The following TCF15 variants were observed in gnomAD, a reference collection of about 807,000 sequenced individuals.
TCF15 encodes the protein TCF-15.
TCF15 carries 7 observed loss-of-function variants against 11.1 expected under a neutral mutation model. That is an observed-to-expected ratio of 0.63 (90% CI 0.36 to 1.19). TCF15 has a LOEUF of 1.19. Ranked by LOEUF, TCF15 falls within the 50% of genes most tolerant of loss-of-function variation. The pLI, the probability that TCF15 is intolerant of heterozygous loss-of-function variation, is 0.02. For synonymous variants in TCF15, 144 were observed against 138.9 expected (o/e 1.04, Z -0.26); for missense variants, 288 against 289.4 (o/e 1.00, Z 0.03).
At position 609,676 on chromosome 20, in the gene TCF15, G is replaced by T; in HGVS notation, c.525+37C>A. 1 of 1,332,934 alleles carries T rather than the reference G, an allele frequency of 7.5e-7. No individual in the cohort carries two copies. Among genetic ancestry groups the T allele is most frequent in the South Asian group, 2.0e-5 (1 of 49,298 alleles). 82.6% of individuals were successfully genotyped at this position (1,332,934 alleles called of 1,614,324 possible). A position where few individuals can be genotyped will look rare whatever the true frequency, so the allele number is the denominator to read the frequency against. On this transcript the variant is annotated intron_variant, in intron 1 of 1. Coordinates refer to ENST00000246080, the MANE Select transcript of TCF15 (RefSeq NM_004609.4). The surrounding 1 kb of genome is among the most constrained non-coding windows in gnomAD (Gnocchi z 4.7). ...AGAGGCGCTGCCCCCCGCCTACCCC[G>T]ACCTGGCGGCCGCAGCGAGGGACGC...
Position 604,533 on chromosome 20 carries a change from G to A in TCF15, c.*58C>T. The A allele has an allele frequency of 6.7e-7, 1 of 1,487,226 alleles. No individual in the cohort carries two copies. The highest frequency in any genetic ancestry group is 9.2e-7 in the Non-Finnish European group (1 of 1,089,284). 92.1% of individuals were successfully genotyped at this position (1,487,226 alleles called of 1,614,324 possible). The stretch of plus-strand genomic sequence containing the variant: ...AGAAGGGGTGGGCTTGGCTCCTGGG[G>A]TCTTCTTCCCTGTCCAGCCAGTGGC... On this transcript the variant is annotated 3_prime_UTR_variant, in exon 2 of 2. Coordinates refer to ENST00000246080, the MANE Select transcript of TCF15 (RefSeq NM_004609.4). This position sits in a 1 kb window ranked among gnomAD's most constrained non-coding sequence, Gnocchi z 4.2.
intron 1 of TCF15, among the ~76,000 whole-genome samples, chr20:606,134 G>C (rs2019972825): frequency 6.6e-6 from 1 of 152,104 alleles, no homozygotes; most frequent in African/African-American, 2.4e-5. Context: ...GCAGCCCAGG[G>C]ACAGCATGTT....
rs1470339902 is a variant in TCF15, at chr20:609,809, G to C, written c.429C>G (p.Ala143=). Reference sequence around the variant, plus strand: ...GGACGGCGCCCTTGGCACTGCCCGCGGCACGGAAGCACGGCTGCCCGTCGT... The same window carrying C: ...GGACGGCGCCCTTGGCACTGCCCGCCGCACGGAAGCACGGCTGCCCGTCGT... ...SADDGQPCFR[A]AGSAKGAVPA... is the part of the protein sequence containing the mutation. The change falls in exon 1 of 2, where the codon GCC becomes GCG. Residue 143 remains alanine, a synonymous_variant. Coordinates refer to ENST00000246080, the MANE Select transcript of TCF15 (RefSeq NM_004609.4). This position sits in a 1 kb window ranked among gnomAD's most constrained non-coding sequence, Gnocchi z 4.7. The C allele has an allele frequency of 1.3e-6, 2 of 1,499,850 alleles. No homozygotes were observed. The highest frequency in any genetic ancestry group is 1.8e-6 in the Non-Finnish European group (2 of 1,136,084). 92.9% of individuals were successfully genotyped at this position (1,499,850 alleles called of 1,614,324 possible).
Position 609,781 on chromosome 20 carries a change from C to A in TCF15, c.457G>T (p.Ala153Ser), listed in dbSNP as rs747130783. The change falls in exon 1 of 2, where the codon GCC becomes TCC. Residue 153 changes from alanine to serine, a missense_variant. Ala to Ser is a moderately conservative substitution (Grantham distance 99). Transcript: ENST00000246080. The surrounding 1 kb of genome is among the most constrained non-coding windows in gnomAD (Gnocchi z 4.7). ...AAGSAKGAVP[A>S]AADGGRQPRS... ...GGCTGGCGGCCGCCGTCGGCGGCGG[C>A]GGGGACGGCGCCCTTGGCACTGCCC... 2 of 1,416,370 alleles carry A rather than the reference C, an allele frequency of 1.4e-6. No homozygotes were observed. Among genetic ancestry groups the A allele is most frequent in the Non-Finnish European group, 1.8e-6 (2 of 1,098,304 alleles). 87.7% of individuals were successfully genotyped at this position (1,416,370 alleles called of 1,614,324 possible).
At position 604,273 on chromosome 20, in the gene TCF15, C is replaced by CT. The variant is rs1489481507; in HGVS notation, c.*317dup. The CT allele has an allele frequency of 5.0e-6, 2 of 400,046 alleles. No homozygotes were observed. Among genetic ancestry groups the CT allele is most frequent in the East Asian group, 1.1e-4 (2 of 17,780 alleles). The allele number at this position is 400,046 out of a possible 1,614,324, so 24.8% of individuals were successfully genotyped here. A position where few individuals can be genotyped will look rare whatever the true frequency, so the allele number is the denominator to read the frequency against. On this transcript the variant is annotated 3_prime_UTR_variant, in exon 2 of 2. Coordinates refer to ENST00000246080, the MANE Select transcript of TCF15 (RefSeq NM_004609.4). The surrounding 1 kb of genome is among the most constrained non-coding windows in gnomAD (Gnocchi z 4.2). ...AACGACGTCTTTTATTTAAAAATAG[C>CT]TTTTATTTTAAACTCACCAATTCTC...
chr20:606,949 T>C (rs985882103), intron 1 of TCF15, among the ~76,000 whole-genome samples: 1 of 152,106 alleles, frequency 6.6e-6, no homozygotes, highest in Non-Finnish European at 1.5e-5. Context: ...CTTCGATCCC[T>C]ACTTTGCCAA....
At position 604,436 on chromosome 20, in the gene TCF15, C is replaced by A. The variant is rs560155023; in HGVS notation, c.*155G>T. 1.4e-6 allele frequency: 1 copy of A among 693,712 alleles called. No individual in the cohort carries two copies. 43.0% of individuals were successfully genotyped at this position (693,712 alleles called of 1,614,324 possible). On this transcript the variant is annotated 3_prime_UTR_variant, in exon 2 of 2. Transcript: ENST00000246080. This position sits in a 1 kb window ranked among gnomAD's most constrained non-coding sequence, Gnocchi z 4.2. ...ATGGATCCTCACAGCTCTCCAGGATCGGGTGGAGATGTCCCGAGGGCCCTG... is the reference window on the plus strand; with the variant it reads ...ATGGATCCTCACAGCTCTCCAGGATAGGGTGGAGATGTCCCGAGGGCCCTG...
In TCF15 at chr20:609,924, T is replaced by A; in HGVS notation, c.314A>T (p.Asp105Val). 2 of 1,521,234 alleles carry A rather than the reference T, an allele frequency of 1.3e-6. No individual in the cohort carries two copies. Among genetic ancestry groups the A allele is most frequent in the South Asian group, 2.5e-5 (2 of 81,294 alleles). 94.2% of individuals were successfully genotyped at this position (1,521,234 alleles called of 1,614,324 possible). The change falls in exon 1 of 2, where the codon GAC (aspartate) becomes GTC (valine). Residue 105 changes from aspartate to valine, a missense_variant. By Grantham distance (152) the Asp-to-Val change is radical. Coordinates refer to ENST00000246080, the MANE Select transcript of TCF15 (RefSeq NM_004609.4). The surrounding 1 kb of genome is among the most constrained non-coding windows in gnomAD (Gnocchi z 4.7). Reference protein sequence around the residue: ...LRTLIPTEPVDRKLSKIETVR... With the variant: ...LRTLIPTEPVVRKLSKIETVR... Reference sequence around the variant, plus strand: ...GGTCTCGATCTTGGACAGCTTGCGGTCCACCGGCTCGGTGGGGATGAGCGT... The same window carrying A: ...GGTCTCGATCTTGGACAGCTTGCGGACCACCGGCTCGGTGGGGATGAGCGT...
chr20:609,591 G>A lies in TCF15; in HGVS notation c.525+122C>T, dbSNP rs1287342282. Reference sequence around the variant, plus strand: ...GGGCTTGGGGTGCCGCACCCAGCACGAATTCCACGTCGCTTCCCCCTGGCC... The same window carrying A: ...GGGCTTGGGGTGCCGCACCCAGCACAAATTCCACGTCGCTTCCCCCTGGCC... On this transcript the variant is annotated intron_variant, in intron 1 of 1. Coordinates refer to ENST00000246080, the MANE Select transcript of TCF15 (RefSeq NM_004609.4). The surrounding 1 kb of genome is among the most constrained non-coding windows in gnomAD (Gnocchi z 4.7). 1 of 1,174,800 alleles carries A rather than the reference G, an allele frequency of 8.5e-7. No individual in the cohort carries two copies. Among genetic ancestry groups the A allele is most frequent in the Non-Finnish European group, 1.1e-6 (1 of 922,336 alleles). The allele number at this position is 1,174,800 out of a possible 1,614,324, so 72.8% of individuals were successfully genotyped here. A position where few individuals can be genotyped will look rare whatever the true frequency, so the allele number is the denominator to read the frequency against.
rs531876845 is a variant in TCF15 at position 606,615 on chromosome 20, G to A, written c.526-1950C>T. 1.4e-4 allele frequency among the ~76,000 whole-genome samples: 22 copies of A among 152,148 alleles called. 1 individual carries two copies. The highest frequency in any genetic ancestry group is 1.4e-3 in the East Asian group (7 of 5,164). ...GCGGATCACCTGAGGCCAGGAGTTC[G>A]AGACCAGCCTGGCCAACATGGCAAA... On this transcript the variant is annotated intron_variant, in intron 1 of 1. Transcript: ENST00000246080.
At chr20:606,824 A>C (rs912078275) in intron 1 of TCF15, among the ~76,000 whole-genome samples, 3 of 151,954 alleles carry the variant, frequency 2.0e-5, no homozygotes, top group African/African-American at 7.3e-5. Flanking sequence ...TCGCAAAAAA[A>C]AAAAAAAAAA....
intron 1 of TCF15, among the ~76,000 whole-genome samples, chr20:606,542 A>G (rs1416735910): frequency 1.3e-5 from 2 of 152,174 alleles, no homozygotes; most frequent in Admixed American, 6.5e-5. Flanking sequence ...ACGGCCGGGT[A>G]TGGTGGCTTA....
In TCF15 at chr20:604,904, G is replaced by C. The variant is rs1319757238; in HGVS notation, c.526-239C>G. Among the ~76,000 whole-genome samples the C allele has an allele frequency of 6.6e-6, 1 of 152,208 alleles. No individual in the cohort carries two copies. ...CTGAATGCGCCTGTGTGCTGTGATTGCTGGGGAGAAGCACACACGGGAAAT... is the reference window on the plus strand; with the variant it reads ...CTGAATGCGCCTGTGTGCTGTGATTCCTGGGGAGAAGCACACACGGGAAAT... On this transcript the variant is annotated intron_variant, in intron 1 of 1. Coordinates refer to ENST00000246080, the MANE Select transcript of TCF15 (RefSeq NM_004609.4). This position sits in a 1 kb window ranked among gnomAD's most constrained non-coding sequence, Gnocchi z 4.2.
Position 604,599 on chromosome 20 carries a change from G to A in TCF15, c.592C>T (p.Arg198Trp), listed in dbSNP as rs2019956753. ...VRGVAPLRGP[R>W]R ...TTCTCCAGGGTCCAGGCTCATCTCC[G>A]TGGCCCTCGAAGGGGGGCCACCCCC... Residue 198 changes from arginine to tryptophan, a missense_variant, in exon 2 of 2, where the codon CGG becomes TGG. Transcript: ENST00000246080. This position sits in a 1 kb window ranked among gnomAD's most constrained non-coding sequence, Gnocchi z 4.2. The A allele has an allele frequency of 4.5e-6, 7 of 1,552,694 alleles. No homozygotes were observed. Among genetic ancestry groups the A allele is most frequent in the South Asian group, 1.2e-5 (1 of 84,124 alleles).
At position 610,292 on chromosome 20, in the gene TCF15, C is replaced by A. The variant is rs906372028; in HGVS notation, c.-55G>T. 5.1e-6 allele frequency: 5 copies of A among 986,422 alleles called. No homozygotes were observed. Among genetic ancestry groups the A allele is most frequent in the Non-Finnish European group, 6.0e-6 (5 of 830,934 alleles). The allele number at this position is 986,422 out of a possible 1,614,324, so 61.1% of individuals were successfully genotyped here. On this transcript the variant is annotated 5_prime_UTR_variant, in exon 1 of 2. Transcript: ENST00000246080. ...CGTCCCAGCGTCGGCCGCGCCCCGCCGTGCGCTCCCGCGCGCTCCCACGGC... is the reference window on the plus strand; with the variant it reads ...CGTCCCAGCGTCGGCCGCGCCCCGCAGTGCGCTCCCGCGCGCTCCCACGGC...
At position 610,182 on chromosome 20, in the gene TCF15, C is replaced by T. The variant is rs1236801900; in HGVS notation, c.56G>A (p.Arg19Gln). ...VGAHVLYPDVRLLSEDEENRS... is the reference protein window; with the variant it reads ...VGAHVLYPDVQLLSEDEENRS... ...GTTCTCCTCGTCCTCGCTCAGCAGCCGCACGTCCGGGTACAGCACGTGCGC... is the reference window on the plus strand; with the variant it reads ...GTTCTCCTCGTCCTCGCTCAGCAGCTGCACGTCCGGGTACAGCACGTGCGC... Residue 19 changes from arginine (R) to glutamine (Q), a missense_variant, in exon 1 of 2, where the codon CGG becomes CAG. Transcript: ENST00000246080. 9.5e-6 allele frequency: 10 copies of T among 1,054,788 alleles called. No homozygotes were observed. Among genetic ancestry groups the T allele is most frequent in the Middle Eastern group, 9.0e-4 (2 of 2,222 alleles). 65.3% of individuals were successfully genotyped at this position (1,054,788 alleles called of 1,614,324 possible). A position where few individuals can be genotyped will look rare whatever the true frequency, so the allele number is the denominator to read the frequency against.
chr20:607,302 C>T (rs1379138903), intron 1 of TCF15, among the ~76,000 whole-genome samples: 1 of 152,168 alleles, frequency 6.6e-6, no homozygotes, highest in Non-Finnish European at 1.5e-5. Context: ...CACAGAGGGC[C>T]ACACCTAACC....
At position 610,234 on chromosome 20, in the gene TCF15, C is replaced by T; in HGVS notation, c.4G>A (p.Ala2Thr). Reference sequence around the variant, plus strand: ...CCGACGGGCCGCAGCAGCGCGAACGCCATGGGCGCCGGCCGCGTCCCTCCG... The same window carrying T: ...CCGACGGGCCGCAGCAGCGCGAACGTCATGGGCGCCGGCCGCGTCCCTCCG... M[A>T]FALLRPVGAH... is the part of the protein sequence containing the mutation. Residue 2 changes from alanine (A) to threonine (T), a missense_variant, in exon 1 of 2, where the codon GCG becomes ACG. Ala to Thr is a moderately conservative substitution (Grantham distance 58, BLOSUM62 0). Transcript: ENST00000246080. 3.0e-6 allele frequency: 3 copies of T among 999,338 alleles called. No individual in the cohort carries two copies. Among genetic ancestry groups the T allele is most frequent in the Non-Finnish European group, 3.6e-6 (3 of 840,058 alleles). 61.9% of individuals were successfully genotyped at this position (999,338 alleles called of 1,614,324 possible).
chr20:606,206 G>C (rs2019973392), intron 1 of TCF15, among the ~76,000 whole-genome samples: 1 of 152,178 alleles, frequency 6.6e-6, no homozygotes, highest in South Asian at 2.1e-4. Context: ...CTGGGGCTTG[G>C]GCTTCTCAGA....
Sources: gnomAD v4.1 joint callset for allele counts (sites outside exome capture counted in the v4.1 genomes callset) on GRCh38, gnomAD v4.1.1 for gene constraint, Gnocchi (gnomAD v3.1) non-coding constraint, MANE v1.5 for transcripts, NCBI Gene and HGNC (gene_info 2026-07-23, HGNC 2026-07-21) for gene names.